SCN10A: variants seen among roughly 807,000 people sequenced by gnomAD.
SCN10A encodes sodium voltage-gated channel alpha subunit 10.
SCN10A carries 162 observed loss-of-function variants against 170.7 expected under a neutral mutation model. That is an observed-to-expected ratio of 0.95 (90% CI 0.84 to 1.08). The LOEUF (loss-of-function observed/expected upper bound fraction) is 1.08, where lower values mean the gene tolerates loss of function less well. Among genes scored for constraint, SCN10A ranks in the 50% least tolerant of loss-of-function variants. The pLI is 0.00. For missense variants in SCN10A, 2,527 were observed against 2,436.9 expected (o/e 1.04, Z -0.78); for synonymous variants, 985 against 904.6 (o/e 1.09, Z -1.59).
chr3:38,709,413 C>T, intron 25 of SCN10A, 65 bp downstream of exon 25: 1 of 1,512,442 alleles, frequency 6.6e-7, no homozygotes, highest in South Asian at 1.4e-5. Context: ...CAGAGCTGGG[C>T]AGGGAACAGG....
At chr3:38,713,107 A>G (rs186694207) in intron 22 of SCN10A, among the ~76,000 whole-genome samples, 2 of 152,314 alleles carry the variant, frequency 1.3e-5, no homozygotes, top group South Asian at 2.1e-4. Flanking sequence ...GTGGGTGTCA[A>G]TCAGCAATCT....
chr3:38,793,601 T>C (rs2064312172), intron 2 of SCN10A, 140 bp downstream of exon 2: 2 of 690,824 alleles, frequency 2.9e-6, no homozygotes. Context: ...GAGATATATA[T>C]ATATATTTTT....
Position 38,761,369 on chromosome 3 carries a change from C to G in SCN10A, c.706G>C (p.Val236Leu). The change falls in exon 7 of 28, where the codon GTG becomes CTG. Residue 236 changes from valine (V) to leucine (L), a missense_variant. By Grantham distance (32) the Val-to-Leu change is conservative. Coordinates refer to ENST00000449082, the MANE Select transcript of SCN10A (RefSeq NM_006514.4). ...TTCACTGAGTGAATCAGGGCCCCCA[C>G]AATGACCTTCAGGCCTGCGGGAAGA... Reference protein sequence around the residue: ...VSVIPGLKVIVGALIHSVKKL... With the variant: ...VSVIPGLKVILGALIHSVKKL... The G allele has an allele frequency of 6.2e-7, 1 of 1,613,414 alleles. No individual in the cohort carries two copies. Among genetic ancestry groups the G allele is most frequent in the Non-Finnish European group, 8.5e-7 (1 of 1,179,562 alleles).
At chr3:38,756,359 G>T (rs1215327094) in intron 10 of SCN10A, among the ~76,000 whole-genome samples, 1 of 151,692 alleles carries the variant, frequency 6.6e-6, no homozygotes, top group African/African-American at 2.4e-5. Flanking sequence ...TACAGGTCAT[G>T]CCCCAGAGTT....
chr3:38,752,590 C>G (rs867312516), intron 11 of SCN10A, 78 bp from the exon 12 acceptor site: 2 of 1,215,798 alleles, frequency 1.6e-6, no homozygotes, highest in African/African-American at 3.1e-5. Context: ...TTCCCTCTAC[C>G]TACTCCCATT....
intron 4 of SCN10A, among the ~76,000 whole-genome samples, chr3:38,778,516 C>T (rs1430373320): frequency 6.6e-6 from 1 of 151,854 alleles, no homozygotes; most frequent in Non-Finnish European, 1.5e-5. Context: ...GATAGGCAGG[C>T]ACGCAGAAAG....
chr3:38,699,980 A>G (rs1305383594), intron 27 of SCN10A, among the ~76,000 whole-genome samples: 1 of 152,212 alleles, frequency 6.6e-6, no homozygotes, highest in Non-Finnish European at 1.5e-5. Flanking sequence ...ACTGGTAGTT[A>G]AGATATCCCC....
At position 38,698,301 on chromosome 3, in the gene SCN10A, T is replaced by C. The variant is rs2063118799; in HGVS notation, c.4919A>G (p.Asp1640Gly). 1 of 1,614,118 alleles carries C rather than the reference T, an allele frequency of 6.2e-7. No homozygotes were observed. The highest frequency in any genetic ancestry group is 8.5e-7 in the Non-Finnish European group (1 of 1,180,028). ...PHVRWEAGID[D>G]MFNFQTFANS... ...GGCGAAGGTCTGGAAGTTGAACATGTCGTCGATGCCAGCCTCCCACCTCAC... is the reference window on the plus strand; with the variant it reads ...GGCGAAGGTCTGGAAGTTGAACATGCCGTCGATGCCAGCCTCCCACCTCAC... The change falls in exon 28 of 28, where the codon GAC becomes GGC. Residue 1640 changes from aspartate (D) to glycine (G), a missense_variant. Coordinates refer to ENST00000449082, the MANE Select transcript of SCN10A (RefSeq NM_006514.4).
At chr3:38,716,257 T>C (rs2063332693) in intron 21 of SCN10A, among the ~76,000 whole-genome samples, 1 of 152,162 alleles carries the variant, frequency 6.6e-6, no homozygotes, top group Non-Finnish European at 1.5e-5. Flanking sequence ...TGATATGGTT[T>C]GGCTGTGTCC....
At chr3:38,746,961 T>C (rs1160115576) in intron 13 of SCN10A, among the ~76,000 whole-genome samples, 1 of 152,158 alleles carries the variant, frequency 6.6e-6, no homozygotes, top group Non-Finnish European at 1.5e-5. Flanking sequence ...CAAACTTTCT[T>C]AAGCATAATC....
intron 25 of SCN10A, among the ~76,000 whole-genome samples, chr3:38,707,646 G>C (rs1049108247): frequency 5.3e-4 from 80 of 152,270 alleles, no homozygotes; most frequent in African/African-American, 1.9e-3. Context: ...TAAAGGGTGG[G>C]GAGGGTTGGT....
At chr3:38,704,165 C>T (rs1359993643) in intron 26 of SCN10A, among the ~76,000 whole-genome samples, 1 of 152,132 alleles carries the variant, frequency 6.6e-6, no homozygotes, top group Admixed American at 6.5e-5. Flanking sequence ...GGGGGAAGTG[C>T]TGTGATGAGG....
Position 38,728,849 on chromosome 3 carries a change from T to C in SCN10A, c.2333A>G (p.Lys778Arg). Residue 778 changes from lysine (K) to arginine (R), a missense_variant, in exon 16 of 28, where the codon AAG becomes AGG. Lys to Arg is a conservative substitution (Grantham distance 26, BLOSUM62 2). Coordinates refer to ENST00000449082, the MANE Select transcript of SCN10A (RefSeq NM_006514.4). ...KSWPTLNTLIKIIGNSVGALG... is the reference protein window; with the variant it reads ...KSWPTLNTLIRIIGNSVGALG... The stretch of plus-strand genomic sequence containing the variant: ...TGCCCCCACTGAGTTTCCGATGATC[T>C]TGATGAGTGTGTTTAAGGTGGGCCA... The C allele has an allele frequency of 4.3e-6, 7 of 1,614,152 alleles. No individual in the cohort carries two copies. The highest frequency in any genetic ancestry group is 5.9e-6 in the Non-Finnish European group (7 of 1,180,012).
intron 15 of SCN10A, among the ~76,000 whole-genome samples, chr3:38,737,336 T>C (rs1172563546): frequency 6.6e-6 from 1 of 152,198 alleles, no homozygotes; most frequent in Non-Finnish European, 1.5e-5. Flanking sequence ...TCCTGCTCTC[T>C]TGACGATTGT....
chr3:38,699,412 G>T lies in SCN10A; in HGVS notation c.4658-850C>A, dbSNP rs137859898. ...CTGGGGAGCCTTATTTGTACCAAAG[G>T]CCTCCACCAAAGATGAGGCAAGGCC... On this transcript the variant is annotated intron_variant, in intron 27 of 27. Transcript: ENST00000449082. 6.6e-5 allele frequency among the ~76,000 whole-genome samples: 10 copies of T among 152,186 alleles called. No individual in the cohort carries two copies. The East Asian group carries it at 1.9e-3, about 29-fold the overall frequency.
chr3:38,716,470 G>A (rs915952237), intron 21 of SCN10A, among the ~76,000 whole-genome samples: 3 of 152,014 alleles, frequency 2.0e-5, no homozygotes, highest in South Asian at 2.1e-4. Context: ...GACGTGACTC[G>A]CACCTCCTTT....
At chr3:38,736,963 G>GTTTTTTTCTTTTTTTT (rs2063568561) in intron 15 of SCN10A, among the ~76,000 whole-genome samples, 1 of 46,666 alleles carries the variant, frequency 2.1e-5, no homozygotes, top group Non-Finnish European at 3.6e-5. Flanking sequence ...AGAAATGTTC[G>GTTTTTTTCTTTTTTTT]TTTTTTTTTT....
At chr3:38,768,935 A>G (rs191370507) in intron 5 of SCN10A, among the ~76,000 whole-genome samples, 29 of 152,072 alleles carry the variant, frequency 1.9e-4, no homozygotes, top group Admixed American at 6.5e-4. Flanking sequence ...TTATTGGCCG[A>G]TTTGTCATTT....
chr3:38,705,414 C>G (rs1032568920), intron 26 of SCN10A, among the ~76,000 whole-genome samples: 32 of 152,250 alleles, frequency 2.1e-4, no homozygotes, highest in Admixed American at 1.2e-3. Context: ...GAGGTCTCCC[C>G]CTGTGCCATC....
Sources: gnomAD v4.1 joint callset for allele counts (sites outside exome capture counted in the v4.1 genomes callset) on GRCh38, gnomAD v4.1.1 for gene constraint, MANE v1.5 for transcripts, NCBI Gene and HGNC (gene_info 2026-07-23, HGNC 2026-07-21) for gene names.